The following MBD5 variants were observed in gnomAD, a reference collection of about 807,000 sequenced individuals.
The protein encoded by MBD5 is methyl-CpG binding domain protein 5.
Under a neutral mutation model 117.3 loss-of-function variants are expected in MBD5, and 13 were observed. The ratio of observed to expected loss-of-function variants is 0.11; its 90% CI spans 0.07 to 0.18. The LOEUF is 0.18. Among genes scored for constraint, MBD5 ranks in the 10% least tolerant of loss-of-function variants. The pLI is 1.00. For missense variants in MBD5, 1,879 were observed against 2,093.8 expected (o/e 0.90, Z 2.00); for synonymous variants, 727 against 766.4 (o/e 0.95, Z 0.85).
rs932892850 is a variant in MBD5, at chr2:148,187,165, G to A, written c.-831+8372G>A. On this transcript the variant is annotated intron_variant, in intron 2 of 13. Coordinates refer to ENST00000642680, the MANE Select transcript of MBD5 (RefSeq NM_001378120.1). ...AAGTACAGGAGTTTGGGGCTGTAGT[G>A]TGCTATGATCACATGTGTGGATAGC... is the stretch of plus-strand genomic sequence containing the variant. Among the ~76,000 whole-genome samples the A allele has an allele frequency of 7.2e-5, 11 of 152,320 alleles. No individual in the cohort carries two copies. The East Asian group carries it at 1.9e-3, about 27-fold the overall frequency.
At chr2:148,357,079 G>A (rs1703399390) in intron 4 of MBD5, among the ~76,000 whole-genome samples, 1 of 152,150 alleles carries the variant, frequency 6.6e-6, no homozygotes, top group Non-Finnish European at 1.5e-5. Flanking sequence ...AGGTCTGGGG[G>A]AAAGGAGAGA....
chr2:148,037,912 C>T (rs781565643), intron 1 of MBD5, among the ~76,000 whole-genome samples: 1 of 151,872 alleles, frequency 6.6e-6, no homozygotes, highest in Non-Finnish European at 1.5e-5. Context: ...ATATACATTA[C>T]AAAAGAACAA....
intron 3 of MBD5, among the ~76,000 whole-genome samples, chr2:148,261,426 T>A (rs530240314): frequency 6.6e-6 from 1 of 152,222 alleles, no homozygotes; most frequent in Non-Finnish European, 1.5e-5. Context: ...CACTTCGCAC[T>A]TTTGTGGAGA....
Position 148,031,212 on chromosome 2 carries a change from A to C in MBD5, c.-925+9528A>C, listed in dbSNP as rs370873801. On this transcript the variant is annotated intron_variant, in intron 1 of 13. Coordinates refer to ENST00000642680, the MANE Select transcript of MBD5 (RefSeq NM_001378120.1). Reference sequence around the variant, plus strand: ...TATAATCAGGTACTGGTTTGAATAGAGGACAAAAATAAAACAGAAGGTTTG... The same window carrying C: ...TATAATCAGGTACTGGTTTGAATAGCGGACAAAAATAAAACAGAAGGTTTG... Among the ~76,000 whole-genome samples, 4 of 152,320 alleles carry C rather than the reference A, an allele frequency of 2.6e-5. No homozygotes were observed. The East Asian group carries it at 7.7e-4, about 29-fold the overall frequency.
At chr2:148,204,913 A>G (rs1699238667) in intron 2 of MBD5, among the ~76,000 whole-genome samples, 1 of 152,166 alleles carries the variant, frequency 6.6e-6, no homozygotes, top group African/African-American at 2.4e-5. Flanking sequence ...AAAGACTAAA[A>G]TGTGGGAATT....
intron 4 of MBD5, among the ~76,000 whole-genome samples, chr2:148,391,465 T>C (rs2105534072): frequency 6.6e-6 from 1 of 152,342 alleles, no homozygotes; most frequent in South Asian, 2.1e-4. Context: ...AATACCAGGA[T>C]GATTTGATGT....
At chr2:148,148,775 G>C (rs1030263324) in intron 1 of MBD5, among the ~76,000 whole-genome samples, 1 of 151,964 alleles carries the variant, frequency 6.6e-6, no homozygotes, top group Non-Finnish European at 1.5e-5. Context: ...CATTTTCCTT[G>C]TGCACCAGTT....
chr2:148,139,761 A>G (rs1697268236), intron 1 of MBD5, among the ~76,000 whole-genome samples: 1 of 152,040 alleles, frequency 6.6e-6, no homozygotes, highest in South Asian at 2.1e-4. Context: ...ATCTCTCAAT[A>G]TGTTCACCAG....
intron 1 of MBD5, among the ~76,000 whole-genome samples, chr2:148,163,787 A>T (rs982471098): frequency 8.5e-5 from 13 of 152,138 alleles, no homozygotes; most frequent in African/African-American, 3.1e-4. Context: ...ATAAATGTTC[A>T]TTTTTTTCAT....
intron 2 of MBD5, among the ~76,000 whole-genome samples, chr2:148,184,522 G>A (rs1448669240): frequency 1.3e-5 from 2 of 151,978 alleles, no homozygotes; most frequent in East Asian, 3.9e-4. Flanking sequence ...ATTTCTGCGT[G>A]CTTCTTTGTT....
intron 1 of MBD5, among the ~76,000 whole-genome samples, chr2:148,155,846 C>G (rs1697859765): frequency 6.6e-6 from 1 of 152,210 alleles, no homozygotes; most frequent in Admixed American, 6.5e-5. Context: ...AGGGCAAGCA[C>G]TCTTAGTAGC....
At chr2:148,134,432 T>C (rs1177293957) in intron 1 of MBD5, among the ~76,000 whole-genome samples, 1 of 152,214 alleles carries the variant, frequency 6.6e-6, no homozygotes, top group African/African-American at 2.4e-5. Context: ...AAGTGGATTA[T>C]ATTTCCTTTG....
intron 3 of MBD5, among the ~76,000 whole-genome samples, chr2:148,297,282 G>A (rs530131917): frequency 6.6e-6 from 1 of 152,110 alleles, no homozygotes; most frequent in African/African-American, 2.4e-5. Flanking sequence ...TGTCATTGTT[G>A]TTGGCCTGTT....
At chr2:148,249,959 G>A (rs763367565) in intron 3 of MBD5, among the ~76,000 whole-genome samples, 9 of 151,652 alleles carry the variant, frequency 5.9e-5, no homozygotes, top group African/African-American at 1.9e-4. Context: ...AAATAGCGCC[G>A]CAGTTGGAAA....
chr2:148,133,956 A>C (rs1224966320), intron 1 of MBD5, among the ~76,000 whole-genome samples: 1 of 152,222 alleles, frequency 6.6e-6, no homozygotes, highest in East Asian at 1.9e-4. Flanking sequence ...TTACTGTTCA[A>C]AACTAACATT....
At chr2:148,507,800 T>A (rs948508024) in intron 12 of MBD5, among the ~76,000 whole-genome samples, 18 of 152,214 alleles carry the variant, frequency 1.2e-4, no homozygotes, top group Admixed American at 2.6e-4. Flanking sequence ...AGACATTTTT[T>A]AATAAATAAC....
intron 1 of MBD5, among the ~76,000 whole-genome samples, chr2:148,060,114 C>G (rs1412314025): frequency 8.3e-6 from 1 of 120,404 alleles, no homozygotes; most frequent in African/African-American, 3.3e-5. Context: ...TAGTGAAACC[C>G]TGTCTCTACA....
intron 4 of MBD5, among the ~76,000 whole-genome samples, chr2:148,383,854 A>G (rs1403713735): frequency 1.3e-5 from 2 of 152,236 alleles, no homozygotes; most frequent in Non-Finnish European, 2.9e-5. Flanking sequence ...AACCAAAGAC[A>G]AAAACCAGAT....
At chr2:148,353,130 C>G (rs905727032) in intron 4 of MBD5, among the ~76,000 whole-genome samples, 2 of 151,958 alleles carry the variant, frequency 1.3e-5, no homozygotes, top group African/African-American at 4.8e-5. Context: ...AAAAAGGGCA[C>G]TGAGGGTTTT....
Sources: allele counts gnomAD v4.1 joint callset (sites outside exome capture counted in the v4.1 genomes callset), GRCh38; gene constraint gnomAD v4.1.1; transcripts MANE v1.5; gene names NCBI Gene and HGNC (gene_info 2026-07-23, HGNC 2026-07-21).